Variants in TRAPPC9 observed in about 807,000 individuals in gnomAD.
TRAPPC9 encodes the protein IKK2 binding protein.
TRAPPC9 carries 83 observed loss-of-function variants against 124.0 expected under a neutral mutation model. The ratio of observed to expected loss-of-function variants is 0.67; its 90% CI spans 0.56 to 0.80. The LOEUF (loss-of-function observed/expected upper bound fraction) is 0.80. Among genes scored for constraint, TRAPPC9 ranks in the 30% least tolerant of loss-of-function variants. The probability of loss-of-function intolerance (pLI) is 0.00; values close to 1 mark genes in which losing one functional copy is unlikely to be tolerated. For synonymous variants in TRAPPC9, 638 were observed against 617.5 expected, an observed-to-expected ratio of 1.03 and a Z score of -0.49; for missense variants, 1,302 against 1,508.3, an observed-to-expected ratio of 0.86 and a Z score of 2.27.
intron 21 of TRAPPC9, among the ~76,000 whole-genome samples, chr8:139,847,337 T>C (rs573355094): frequency 2.0e-4 from 31 of 152,360 alleles, no homozygotes; most frequent in Middle Eastern, 3.4e-3. Flanking sequence ...ATTTCCATCC[T>C]GGCTGAGGGA....
At chr8:139,951,796 T>C (rs1587324242) in intron 19 of TRAPPC9, among the ~76,000 whole-genome samples, 1 of 152,318 alleles carries the variant, frequency 6.6e-6, no homozygotes, top group African/African-American at 2.4e-5. Context: ...AGAGATTGAA[T>C]AGTGATTACT....
intron 21 of TRAPPC9, among the ~76,000 whole-genome samples, chr8:139,855,193 A>G (rs997638855): frequency 2.6e-5 from 4 of 152,214 alleles, no homozygotes; most frequent in Non-Finnish European, 5.9e-5. Flanking sequence ...AGGCCCAAAG[A>G]TTCTGCATCT....
chr8:140,007,509 C>T (rs1403471847), intron 18 of TRAPPC9, among the ~76,000 whole-genome samples: 1 of 152,106 alleles, frequency 6.6e-6, no homozygotes, highest in African/African-American at 2.4e-5. Flanking sequence ...TCATGCATCA[C>T]CATTTGGAAA....
chr8:139,879,179 G>A (rs1202834700), intron 21 of TRAPPC9, among the ~76,000 whole-genome samples: 1 of 152,174 alleles, frequency 6.6e-6, no homozygotes, highest in Non-Finnish European at 1.5e-5. Flanking sequence ...ATCCTTGGAG[G>A]GGACTCTGGA....
At chr8:140,332,470 T>C (rs2066919314) in intron 9 of TRAPPC9, among the ~76,000 whole-genome samples, 1 of 152,180 alleles carries the variant, frequency 6.6e-6, no homozygotes, top group Non-Finnish European at 1.5e-5. Flanking sequence ...GAGAGGATTC[T>C]AAATGTTCCC....
intron 8 of TRAPPC9, among the ~76,000 whole-genome samples, chr8:140,364,487 T>C (rs548586453): frequency 1.3e-5 from 2 of 152,258 alleles, no homozygotes; most frequent in Non-Finnish European, 2.9e-5. Flanking sequence ...TCCTTCCCAA[T>C]TAAATTTCTC....
chr8:139,852,081 T>C (rs187708377), intron 21 of TRAPPC9, among the ~76,000 whole-genome samples: 132 of 152,322 alleles, frequency 8.7e-4, no homozygotes, highest in African/African-American at 3.1e-3. Flanking sequence ...GTTCTCGTGA[T>C]AGTGAGTACG....
At chr8:139,805,765 G>A (rs1206165685) in intron 21 of TRAPPC9, among the ~76,000 whole-genome samples, 2 of 152,114 alleles carry the variant, frequency 1.3e-5, no homozygotes, top group South Asian at 2.1e-4. Flanking sequence ...CAGAGAATGC[G>A]GCCTCAGAGA....
At chr8:140,237,141 A>G (rs2063748741) in intron 16 of TRAPPC9, among the ~76,000 whole-genome samples, 1 of 152,124 alleles carries the variant, frequency 6.6e-6, no homozygotes, top group Non-Finnish European at 1.5e-5. Flanking sequence ...AGATCATGCC[A>G]CTGCACTCTG....
intron 9 of TRAPPC9, among the ~76,000 whole-genome samples, chr8:140,334,754 G>A (rs1190655655): frequency 1.3e-5 from 2 of 152,148 alleles, no homozygotes; most frequent in Non-Finnish European, 2.9e-5. Context: ...AAGGTGAACA[G>A]ACATGATCCC....
chr8:139,833,725 A>AATGTGCAGTGTGG (rs1203899489), intron 21 of TRAPPC9, among the ~76,000 whole-genome samples: 1 of 152,202 alleles, frequency 6.6e-6, no homozygotes, highest in Non-Finnish European at 1.5e-5. Flanking sequence ...GGCCGCTGCT[A>AATGTGCAGTGTGG]ATGTGCAGTG....
At chr8:140,153,827 G>A (rs781328901) in intron 17 of TRAPPC9, among the ~76,000 whole-genome samples, 4 of 152,158 alleles carry the variant, frequency 2.6e-5, no homozygotes, top group African/African-American at 4.8e-5. Context: ...AGATTCTCCA[G>A]GATCTGCCCT....
At chr8:140,413,724 T>C (rs1188390605) in intron 5 of TRAPPC9, among the ~76,000 whole-genome samples, 2 of 141,688 alleles carry the variant, frequency 1.4e-5, no homozygotes, top group African/African-American at 2.6e-5. Context: ...TATGTTCTCA[T>C]TGTTCAATTC....
rs143176852 is a variant in TRAPPC9, at chr8:140,104,954, G to A, written c.2557-80875C>T. Among the ~76,000 whole-genome samples, 102 of 152,278 alleles carry A rather than the reference G, an allele frequency of 6.7e-4. 1 individual carries two copies. In the East Asian group the frequency reaches 0.016, roughly 24 times the overall value. On this transcript the variant is annotated intron_variant, in intron 17 of 22. Coordinates refer to ENST00000438773, the MANE Select transcript of TRAPPC9 (RefSeq NM_001160372.4). This position sits in a 1 kb window ranked among gnomAD's most constrained non-coding sequence, Gnocchi z 4.0. ...CTGGGCCTGTCATCCATGCTGCATC[G>A]TGGCAGGGTCCCACTCAGCAGCAGC... is the stretch of plus-strand genomic sequence containing the variant.
rs2063844859 is a variant in TRAPPC9 at position 140,241,045 on chromosome 8, C to T, written c.2431+11732G>A. 2.6e-5 allele frequency among the ~76,000 whole-genome samples: 4 copies of T among 152,176 alleles called. No homozygotes were observed. Among genetic ancestry groups the T allele is most frequent in the Admixed American group, 2.6e-4 (4 of 15,286 alleles). Reference sequence around the variant, plus strand: ...GTCCAGACCAGCCTTTATTCAGGGCCACCCTGTCACCTGCATCCCTGCTGG... The same window carrying T: ...GTCCAGACCAGCCTTTATTCAGGGCTACCCTGTCACCTGCATCCCTGCTGG... On this transcript the variant is annotated intron_variant, in intron 16 of 22. Transcript: ENST00000438773. The surrounding 1 kb of genome is among the most constrained non-coding windows in gnomAD (Gnocchi z 5.0).
chr8:139,929,812 G>A (rs1833026295), intron 19 of TRAPPC9, among the ~76,000 whole-genome samples: 1 of 152,194 alleles, frequency 6.6e-6, no homozygotes. Flanking sequence ...TTCAAGGAAG[G>A]CCCAGCAGAG....
At chr8:139,945,762 T>C (rs967295799) in intron 19 of TRAPPC9, among the ~76,000 whole-genome samples, 6 of 152,256 alleles carry the variant, frequency 3.9e-5, no homozygotes, top group African/African-American at 1.2e-4. Context: ...AATGACTGAG[T>C]GATACAGAGT....
chr8:139,789,551 C>T (rs779450214), intron 21 of TRAPPC9, among the ~76,000 whole-genome samples: 4 of 152,146 alleles, frequency 2.6e-5, no homozygotes, highest in African/African-American at 7.2e-5. Context: ...CTGAGAGCTT[C>T]CTATGGGCCC....
At chr8:140,202,471 G>T (rs899839791) in intron 17 of TRAPPC9, among the ~76,000 whole-genome samples, 3 of 151,922 alleles carry the variant, frequency 2.0e-5, no homozygotes, top group African/African-American at 7.3e-5. Context: ...TATATTCCTG[G>T]GTAATTAAAT....
Sources: allele counts gnomAD v4.1 joint callset (sites outside exome capture counted in the v4.1 genomes callset), GRCh38; gene constraint gnomAD v4.1.1; non-coding constraint Gnocchi (gnomAD v3.1); transcripts MANE v1.5; gene names NCBI Gene and HGNC (gene_info 2026-07-23, HGNC 2026-07-21).